Variants in ARHGAP18 observed in about 807,000 individuals in gnomAD.
The protein encoded by ARHGAP18 is Rho GTPase activating protein 18.
A neutral mutation model predicts 86.2 loss-of-function variants in ARHGAP18; 67 were observed. The observed-to-expected ratio is 0.78, with a 90% CI of 0.64 to 0.95. The LOEUF (loss-of-function observed/expected upper bound fraction) is 0.95. ARHGAP18 is among the 40% of genes least tolerant of loss of function. ARHGAP18 has a pLI of 0.00. For synonymous variants in ARHGAP18, 283 were observed against 280.4 expected (o/e 1.01, Z -0.09); for missense variants, 691 against 780.4 (o/e 0.89, Z 1.37).
intron 1 of ARHGAP18, among the ~76,000 whole-genome samples, chr6:129,700,852 AC>A (rs1380238282): frequency 6.6e-6 from 1 of 152,168 alleles, no homozygotes; most frequent in Non-Finnish European, 1.5e-5. Flanking sequence ...CAGGACTTCA[AC>A]CCAGGCAATC....
intron 10 of ARHGAP18, 104 bp from the exon 11 acceptor site, chr6:129,600,952 T>C (rs900890020): frequency 2.1e-6 from 2 of 972,098 alleles, no homozygotes; most frequent in African/African-American, 3.3e-5. Context: ...ACAAGTTGTG[T>C]ATAAGCACAG....
At chr6:129,616,394 G>A (rs1200056585) in intron 6 of ARHGAP18, 91 bp from the exon 7 acceptor site, 68 of 990,952 alleles carry the variant, frequency 6.9e-5, no homozygotes, top group Admixed American at 6.0e-4. Context: ...TGATACTGTC[G>A]ATCAGACAAC....
At chr6:129,629,611 G>C in intron 4 of ARHGAP18, 89 bp from the exon 5 acceptor site, 1 of 1,357,504 alleles carries the variant, frequency 7.4e-7, no homozygotes. Flanking sequence ...AAAAACATTT[G>C]GGAAGAGTAC....
intron 6 of ARHGAP18, among the ~76,000 whole-genome samples, chr6:129,618,117 A>AC (rs1298099698): frequency 1.3e-5 from 2 of 152,052 alleles, no homozygotes; most frequent in Non-Finnish European, 2.9e-5. Context: ...AAAAAACAAA[A>AC]AAAAAAAACC....
intron 5 of ARHGAP18, 116 bp downstream of exon 5, chr6:129,629,237 C>G (rs894179872): frequency 1.5e-4 from 118 of 811,138 alleles, no homozygotes; most frequent in Middle Eastern, 4.1e-4. Flanking sequence ...CTGTCTGTCT[C>G]TCTCTCTCTC....
At chr6:129,644,991 ATTTTC>A (rs995445272) in intron 1 of ARHGAP18, among the ~76,000 whole-genome samples, 2 of 152,138 alleles carry the variant, frequency 1.3e-5, no homozygotes, top group Non-Finnish European at 2.9e-5. Context: ...GAAAAGAGGA[ATTTTC>A]TTTTTCTTTT....
chr6:129,698,878 A>G lies in ARHGAP18; in HGVS notation c.113+11146T>C, dbSNP rs563252932. 1.8e-4 allele frequency among the ~76,000 whole-genome samples: 28 copies of G among 152,200 alleles called. No individual in the cohort carries two copies. The South Asian group carries it at 5.8e-3, about 32-fold the overall frequency. On this transcript the variant is annotated intron_variant, in intron 1 of 14. Coordinates refer to ENST00000368149, the MANE Select transcript of ARHGAP18 (RefSeq NM_033515.3). ...AGACTAATTTTTTTATTTTTAGTAG[A>G]GACGGGGTTTCGCCACGTTGGCCAG...
intron 1 of ARHGAP18, among the ~76,000 whole-genome samples, chr6:129,650,340 G>C (rs1177446159): frequency 6.6e-6 from 1 of 152,164 alleles, no homozygotes; most frequent in African/African-American, 2.4e-5. Flanking sequence ...GCAGGAGACA[G>C]CCGAGGCAGG....
In ARHGAP18 at chr6:129,676,948, T is replaced by TA. The variant is rs559466970; in HGVS notation, c.113+33075dup. Among the ~76,000 whole-genome samples, 456 of 106,984 alleles carry TA rather than the reference T, an allele frequency of 4.3e-3. 27 individuals carry two copies. Among genetic ancestry groups the TA allele is most frequent in the Middle Eastern group, 0.011 (2 of 178 alleles). 70.2% of individuals were successfully genotyped at this position (106,984 alleles called of 152,430 possible). A position where few individuals can be genotyped will look rare whatever the true frequency, so the allele number is the denominator to read the frequency against. On this transcript the variant is annotated intron_variant, in intron 1 of 14. Transcript: ENST00000368149. Reference sequence around the variant, plus strand: ...TTTTTTTTTTTTTTTTTTTTTTTTTTAAGGAAGGAAAATAGAGGATTCCGG... The same window carrying TA: ...TTTTTTTTTTTTTTTTTTTTTTTTTTAAAGGAAGGAAAATAGAGGATTCCGG...
intron 1 of ARHGAP18, among the ~76,000 whole-genome samples, chr6:129,645,218 G>T (rs531989550): frequency 6.6e-6 from 1 of 152,142 alleles, no homozygotes; most frequent in African/African-American, 2.4e-5. Flanking sequence ...TCTTTTCTTT[G>T]TAGAATATAT....
In ARHGAP18 at chr6:129,629,482, T is replaced by C. The variant is rs771441084; in HGVS notation, c.657A>G (p.Pro219=). The C allele has an allele frequency of 1.2e-6, 2 of 1,613,644 alleles. No individual in the cohort carries two copies. Among genetic ancestry groups the C allele is most frequent in the East Asian group, 2.2e-5 (1 of 44,864 alleles). ...SNLVGEEKLI[P]PEETPAPETD... ...TTTCAGGGGCAGGCGTCTCCTCAGGTGGGATCAGCTTCTCTTCACCAACAA... is the reference window on the plus strand; with the variant it reads ...TTTCAGGGGCAGGCGTCTCCTCAGGCGGGATCAGCTTCTCTTCACCAACAA... Residue 219 remains proline, a synonymous_variant, in exon 5 of 15, where the codon CCA becomes CCG. Transcript: ENST00000368149.
chr6:129,657,222 C>T (rs1773856294), intron 1 of ARHGAP18, among the ~76,000 whole-genome samples: 1 of 152,078 alleles, frequency 6.6e-6, no homozygotes, highest in Non-Finnish European at 1.5e-5. Flanking sequence ...AGGAAATTAG[C>T]ACTGTTATTA....
At chr6:129,683,306 C>T (rs1015327011) in intron 1 of ARHGAP18, among the ~76,000 whole-genome samples, 19 of 152,180 alleles carry the variant, frequency 1.2e-4, no homozygotes, top group African/African-American at 3.9e-4. Context: ...ATCCTGACCT[C>T]GTGATCTGCC....
intron 1 of ARHGAP18, among the ~76,000 whole-genome samples, chr6:129,653,459 GT>G (rs1048673634): frequency 6.6e-6 from 1 of 152,204 alleles, no homozygotes; most frequent in Non-Finnish European, 1.5e-5. Context: ...GCCGGGAAGT[GT>G]TTTTATATGC....
At chr6:129,579,531 T>C (rs1009760189) in intron 14 of ARHGAP18, among the ~76,000 whole-genome samples, 1 of 152,178 alleles carries the variant, frequency 6.6e-6, no homozygotes, top group African/African-American at 2.4e-5. Context: ...AAGAGATGGT[T>C]AAGACTCACT....
intron 1 of ARHGAP18, among the ~76,000 whole-genome samples, chr6:129,663,971 G>A (rs1026971606): frequency 2.0e-5 from 3 of 152,172 alleles, no homozygotes; most frequent in Non-Finnish European, 4.4e-5. Context: ...TTTTTTTCTT[G>A]TAACATGTTT....
At chr6:129,676,684 C>T (rs1774236299) in intron 1 of ARHGAP18, among the ~76,000 whole-genome samples, 1 of 152,234 alleles carries the variant, frequency 6.6e-6, no homozygotes, top group South Asian at 2.1e-4. Context: ...GCATAACACT[C>T]ATCAGGGATT....
intron 1 of ARHGAP18, among the ~76,000 whole-genome samples, chr6:129,694,763 T>A (rs1643679560): frequency 6.6e-6 from 1 of 152,214 alleles, no homozygotes; most frequent in Non-Finnish European, 1.5e-5. Flanking sequence ...TAGGTTAAAA[T>A]GTTTTATTGG....
At chr6:129,598,041 T>C (rs1187052593) in intron 12 of ARHGAP18, among the ~76,000 whole-genome samples, 2 of 152,092 alleles carry the variant, frequency 1.3e-5, no homozygotes, top group African/African-American at 4.8e-5. Context: ...CTAAATGCCC[T>C]ATAAAAAGAC....
Sources: gnomAD v4.1 joint callset for allele counts (sites outside exome capture counted in the v4.1 genomes callset) on GRCh38, gnomAD v4.1.1 for gene constraint, MANE v1.5 for transcripts, NCBI Gene and HGNC (gene_info 2026-07-23, HGNC 2026-07-21) for gene names.